LGSN: variants seen among roughly 807,000 people sequenced by gnomAD.
LGSN encodes the protein lengsin.
A neutral mutation model predicts 19.5 loss-of-function variants in LGSN; 21 were observed. That is an observed-to-expected ratio of 1.07 (90% CI 0.76 to 1.55). The LOEUF is 1.55. Among genes scored for constraint, LGSN ranks in the 40% most tolerant of loss-of-function variants. The pLI, the probability that LGSN is intolerant of heterozygous loss-of-function variation, is 0.00. For missense variants in LGSN, 673 were observed against 608.5 expected (o/e 1.11, Z -1.12); for synonymous variants, 257 against 215.6 (o/e 1.19, Z -1.68).
At chr6:63,443,285 G>A in the LGSN span, among the ~76,000 whole-genome samples, 4 of 152,328 alleles carry the variant, frequency 2.6e-5, no homozygotes, top group East Asian at 1.9e-4. Flanking sequence ...GTGCTGGCCC[G>A]CGAGCACGCA....
At chr6:63,532,095 G>A in the LGSN span, among the ~76,000 whole-genome samples, 3 of 151,902 alleles carry the variant, frequency 2.0e-5, no homozygotes, top group East Asian at 1.9e-4. Context: ...CACCACGCCC[G>A]GTCAACCACA....
chr6:63,408,705 C>G, the LGSN span, among the ~76,000 whole-genome samples: 1 of 151,162 alleles, frequency 6.6e-6, no homozygotes, highest in Non-Finnish European at 1.5e-5. Context: ...TAAAGAGCTT[C>G]TGCACAGCAA....
At chr6:63,312,127 G>A (rs886442295) in intron 1 of LGSN, among the ~76,000 whole-genome samples, 1 of 152,090 alleles carries the variant, frequency 6.6e-6, no homozygotes, top group African/African-American at 2.4e-5. Flanking sequence ...CCTGTTTAAG[G>A]CTTCCTTCCT....
At chr6:63,546,910 GTA>G in the LGSN span, among the ~76,000 whole-genome samples, 2 of 152,018 alleles carry the variant, frequency 1.3e-5, no homozygotes, top group Non-Finnish European at 2.9e-5. Flanking sequence ...AATGTGTAGT[GTA>G]TATATATAAA....
chr6:63,374,044 G>T, the LGSN span, among the ~76,000 whole-genome samples: 1 of 152,098 alleles, frequency 6.6e-6, no homozygotes, highest in Non-Finnish European at 1.5e-5. Context: ...GACTAATTTT[G>T]ATGTCTGTAC....
At chr6:63,437,808 T>C in the LGSN span, among the ~76,000 whole-genome samples, 3 of 152,078 alleles carry the variant, frequency 2.0e-5, no homozygotes, top group African/African-American at 7.2e-5. Context: ...TGGGCACCTG[T>C]AATCCCAGCT....
chr6:63,277,299 G>C lies in LGSN; in HGVS notation c.*2722C>G, dbSNP rs1767129539. 6.6e-6 allele frequency: 1 copy of C among 152,154 alleles called. No individual in the cohort carries two copies. The highest frequency in any genetic ancestry group is 1.5e-5 in the Non-Finnish European group (1 of 68,034). 9.4% of individuals were successfully genotyped at this position (152,154 alleles called of 1,614,324 possible). A position where few individuals can be genotyped will look rare whatever the true frequency, so the allele number is the denominator to read the frequency against. On this transcript the variant is annotated 3_prime_UTR_variant, in exon 4 of 4. Coordinates refer to ENST00000370657, the MANE Select transcript of LGSN (RefSeq NM_016571.3). ...AGGCCCGTGGACTATAAAGGGATAT[G>C]CCACTTTATAGGGATGGGTTAGAGC...
At chr6:63,295,140 T>C in intron 1 of LGSN, 95 bp from the exon 2 acceptor site, 3 of 1,123,158 alleles carry the variant, frequency 2.7e-6, no homozygotes, top group South Asian at 2.7e-5. Flanking sequence ...CTCAATTTTT[T>C]AATGAGCATA....
the LGSN span, among the ~76,000 whole-genome samples, chr6:63,335,196 G>T: frequency 6.6e-6 from 1 of 151,196 alleles, no homozygotes; most frequent in Non-Finnish European, 1.5e-5. Context: ...TTGATAGTTG[G>T]TGCTGGGAAA....
the LGSN span, among the ~76,000 whole-genome samples, chr6:63,426,640 G>A: frequency 1.3e-5 from 2 of 152,040 alleles, no homozygotes; most frequent in African/African-American, 4.8e-5. Context: ...TCAGCCTCCT[G>A]AGTAACTGGG....
chr6:63,387,951 C>T, the LGSN span, among the ~76,000 whole-genome samples: 2 of 151,698 alleles, frequency 1.3e-5, no homozygotes, highest in African/African-American at 2.4e-5. Context: ...CTGCAACCTC[C>T]GCCTCCCAGG....
the LGSN span, among the ~76,000 whole-genome samples, chr6:63,337,686 C>T: frequency 6.6e-6 from 1 of 150,926 alleles, no homozygotes. Context: ...TGCCTGTGGT[C>T]CTAGCTACTC....
At chr6:63,446,234 ACTGTGT>A in the LGSN span, among the ~76,000 whole-genome samples, 9 of 123,772 alleles carry the variant, frequency 7.3e-5, no homozygotes, top group African/African-American at 3.0e-4. Flanking sequence ...GGGCGACGAG[ACTGTGT>A]CTCAAAAAAA....
At chr6:63,291,297 A>G (rs1481462530) in intron 2 of LGSN, among the ~76,000 whole-genome samples, 1 of 152,172 alleles carries the variant, frequency 6.6e-6, no homozygotes, top group Non-Finnish European at 1.5e-5. Flanking sequence ...TTTACACCCT[A>G]TTCTCTAGGT....
chr6:63,548,840 C>T, the LGSN span: 6 of 757,704 alleles, frequency 7.9e-6, no homozygotes, highest in African/African-American at 3.4e-5. Context: ...TGTAGTCAGT[C>T]CTGATAGCTC....
the LGSN span, among the ~76,000 whole-genome samples, chr6:63,422,637 T>C: frequency 6.6e-6 from 1 of 152,166 alleles, no homozygotes; most frequent in Non-Finnish European, 1.5e-5. Context: ...CATATTACCT[T>C]TCCCTCAAAT....
chr6:63,473,785 C>T, the LGSN span, among the ~76,000 whole-genome samples: 1 of 147,532 alleles, frequency 6.8e-6, no homozygotes, highest in Non-Finnish European at 1.5e-5. Flanking sequence ...TCACACATGT[C>T]CTTCTTGAGA....
intron 1 of LGSN, among the ~76,000 whole-genome samples, chr6:63,317,515 A>C (rs2127398160): frequency 6.6e-6 from 1 of 152,342 alleles, no homozygotes; most frequent in Middle Eastern, 3.4e-3. Flanking sequence ...GAAGTAGGTA[A>C]GTTTGAGGTA....
the LGSN span, among the ~76,000 whole-genome samples, chr6:63,468,940 G>A: frequency 1.3e-5 from 2 of 151,974 alleles, no homozygotes; most frequent in South Asian, 2.1e-4. Context: ...GTAGAGATGG[G>A]GTTTCACCAT....
Sources: allele counts gnomAD v4.1 joint callset (sites outside exome capture counted in the v4.1 genomes callset), GRCh38; gene constraint gnomAD v4.1.1; transcripts MANE v1.5; gene names NCBI Gene and HGNC (gene_info 2026-07-23, HGNC 2026-07-21).